ARPP21: variants seen among roughly 807,000 people sequenced by gnomAD.
ARPP21 encodes the protein cAMP regulated phosphoprotein 21, also known as cAMP-regulated phosphoprotein 21.
In ARPP21, 69 loss-of-function variants were observed where a neutral mutation model predicts 113.2. The ratio of observed to expected loss-of-function variants is 0.61; its 90% CI spans 0.50 to 0.74. The LOEUF (loss-of-function observed/expected upper bound fraction) is 0.74, where lower values mean the gene tolerates loss of function less well. Among genes scored for constraint, ARPP21 ranks in the 30% least tolerant of loss-of-function variants. ARPP21 has a pLI of 0.00. For missense variants in ARPP21, 1,070 were observed against 1,037.4 expected, an observed-to-expected ratio of 1.03 and a Z score of -0.43; for synonymous variants, 368 against 375.5, an observed-to-expected ratio of 0.98 and a Z score of 0.23.
At chr3:35,725,420 C>T (rs542053762) in intron 14 of ARPP21, among the ~76,000 whole-genome samples, 57 of 152,294 alleles carry the variant, frequency 3.7e-4, no homozygotes, top group African/African-American at 1.3e-3. Context: ...CTGAGGGGAA[C>T]ATTAAGGTCA....
At position 35,670,118 on chromosome 3, in the gene ARPP21, G is replaced by A. The variant is rs567546264; in HGVS notation, c.-212-9669G>A. ...TGATAGCAGGTTCTAATAATTCACA[G>A]AGATTATACCAGCATTTATTTTTAT... On this transcript the variant is annotated intron_variant, in intron 1 of 20. Coordinates refer to ENST00000684406, the MANE Select transcript of ARPP21 (RefSeq NM_001385562.1). 7.9e-4 allele frequency among the ~76,000 whole-genome samples: 121 copies of A among 152,226 alleles called. 1 individual carries two copies. The highest frequency in any genetic ancestry group is 2.8e-3 in the African/African-American group (116 of 41,570).
At chr3:35,789,425 G>T (rs1036604844) in intron 19 of ARPP21, among the ~76,000 whole-genome samples, 2 of 152,170 alleles carry the variant, frequency 1.3e-5, no homozygotes, top group Non-Finnish European at 2.9e-5. Flanking sequence ...TTAAACCATT[G>T]CAGGTGTAAA....
At chr3:35,667,970 AAG>A (rs2075135830) in intron 1 of ARPP21, among the ~76,000 whole-genome samples, 1 of 121,818 alleles carries the variant, frequency 8.2e-6, no homozygotes, top group African/African-American at 3.1e-5. Context: ...GAAGAAGAAG[AAG>A]AAGAAGAAGA....
At chr3:35,748,078 G>GAAAGAA (rs1553720296) in intron 19 of ARPP21, among the ~76,000 whole-genome samples, 1 of 111,296 alleles carries the variant, frequency 9.0e-6, no homozygotes, top group Non-Finnish European at 1.9e-5. Flanking sequence ...AAGAAAGAAA[G>GAAAGAA]AAAGAAAGAA....
At chr3:35,778,692 A>C (rs1468013545) in intron 19 of ARPP21, among the ~76,000 whole-genome samples, 1 of 152,116 alleles carries the variant, frequency 6.6e-6, no homozygotes, top group African/African-American at 2.4e-5. Context: ...ATGGGGGAAA[A>C]GTCACTAAAA....
chr3:35,714,381 C>T (rs1019315003), intron 11 of ARPP21, among the ~76,000 whole-genome samples: 1 of 152,156 alleles, frequency 6.6e-6, no homozygotes, highest in African/African-American at 2.4e-5. Flanking sequence ...GAAGTGGTTA[C>T]ATTAGCAGGA....
intron 1 of ARPP21, among the ~76,000 whole-genome samples, chr3:35,647,641 C>A (rs1385443075): frequency 6.6e-6 from 1 of 152,122 alleles, no homozygotes; most frequent in Non-Finnish European, 1.5e-5. Context: ...TGTGACTTAC[C>A]TTCATAAATA....
intron 19 of ARPP21, among the ~76,000 whole-genome samples, chr3:35,780,159 C>T (rs1350729716): frequency 3.3e-5 from 5 of 152,100 alleles, no homozygotes; most frequent in Admixed American, 2.6e-4. Flanking sequence ...TACCTATGTG[C>T]CATTGCAAGA....
rs540574995 is a variant in ARPP21 at position 35,681,925 on chromosome 3, A to C, written c.129+45A>C. 43 of 1,571,570 alleles carry C rather than the reference A, an allele frequency of 2.7e-5. No homozygotes were observed. In the South Asian group the frequency reaches 4.7e-4, roughly 17 times the overall value. ...CCCTGACTCTCATACAACTGTGTGC[A>C]GCTCCCTTCTTTTATTTTCAGAATA... On this transcript the variant is annotated intron_variant, in intron 3 of 20. Transcript: ENST00000684406.
intron 1 of ARPP21, among the ~76,000 whole-genome samples, chr3:35,676,850 T>A (rs2149396736): frequency 6.6e-6 from 1 of 152,074 alleles, no homozygotes; most frequent in Middle Eastern, 3.4e-3. Flanking sequence ...TTTAACAGAA[T>A]AATTGTTTTG....
At chr3:35,776,659 A>G (rs923701638) in intron 19 of ARPP21, among the ~76,000 whole-genome samples, 1 of 152,174 alleles carries the variant, frequency 6.6e-6, no homozygotes, top group African/African-American at 2.4e-5. Flanking sequence ...GACAAAGGAC[A>G]CAGTGGAACT....
intron 19 of ARPP21, among the ~76,000 whole-genome samples, chr3:35,785,734 A>G (rs965944168): frequency 2.6e-5 from 4 of 152,200 alleles, no homozygotes; most frequent in African/African-American, 9.7e-5. Context: ...CTAATGAGCA[A>G]AAGAGGAAGT....
At chr3:35,664,610 G>A (rs938463992) in intron 1 of ARPP21, among the ~76,000 whole-genome samples, 8 of 152,190 alleles carry the variant, frequency 5.3e-5, no homozygotes, top group Admixed American at 1.3e-4. Context: ...TCCTAGGAGT[G>A]AATCAGCAGT....
At chr3:35,718,872 A>T (rs917053884) in intron 13 of ARPP21, among the ~76,000 whole-genome samples, 1 of 150,614 alleles carries the variant, frequency 6.6e-6, no homozygotes, top group Non-Finnish European at 1.5e-5. Context: ...ATCTTCCTGG[A>T]TTCCAGTAGG....
At chr3:35,745,161 T>A (rs886145804) in intron 19 of ARPP21, among the ~76,000 whole-genome samples, 1 of 152,224 alleles carries the variant, frequency 6.6e-6, no homozygotes, top group Admixed American at 6.5e-5. Flanking sequence ...TTTTACAGTG[T>A]TTTGAGAACA....
Position 35,737,198 on chromosome 3 carries a change from G to A in ARPP21, c.1480G>A (p.Asp494Asn), listed in dbSNP as rs772998292. The A allele has an allele frequency of 2.1e-5, 33 of 1,608,744 alleles. No homozygotes were observed. The highest frequency in any genetic ancestry group is 4.0e-5 in the African/African-American group (3 of 74,950). ...TGCAGGCCAGCCCTTTGTGAATCCC[G>A]ATGGAACTCCTGCAATATACAACCC... ...PHTGQPFVNP[D>N]GTPAIYNPPT... Residue 494 changes from aspartate to asparagine, a missense_variant, in exon 16 of 21, where the codon GAT (aspartate) becomes AAT (asparagine). Coordinates refer to ENST00000684406, the MANE Select transcript of ARPP21 (RefSeq NM_001385562.1).
intron 19 of ARPP21, among the ~76,000 whole-genome samples, chr3:35,748,450 A>T (rs1443339229): frequency 6.6e-6 from 1 of 151,544 alleles, no homozygotes. Context: ...AAAGAAAGAA[A>T]AGAAAGAAAA....
chr3:35,718,281 T>C (rs1319114969), intron 13 of ARPP21, among the ~76,000 whole-genome samples: 1 of 152,202 alleles, frequency 6.6e-6, no homozygotes, highest in East Asian at 1.9e-4. Context: ...TTTTTGGACT[T>C]CTTTCACTTT....
intron 1 of ARPP21, among the ~76,000 whole-genome samples, chr3:35,664,751 C>T (rs1042863201): frequency 6.6e-6 from 1 of 152,180 alleles, no homozygotes; most frequent in African/African-American, 2.4e-5. Context: ...TCATGCGCCC[C>T]TGGTAAGTGC....
Sources: gnomAD v4.1 joint callset for allele counts (sites outside exome capture counted in the v4.1 genomes callset) on GRCh38, gnomAD v4.1.1 for gene constraint, MANE v1.5 for transcripts, NCBI Gene and HGNC (gene_info 2026-07-23, HGNC 2026-07-21) for gene names.